ANK1: variants seen among roughly 807,000 people sequenced by gnomAD.
The protein encoded by ANK1 is ankyrin-1.
In ANK1, 51 loss-of-function variants were observed where a neutral mutation model predicts 210.4. The observed-to-expected ratio is 0.24, with a 90% CI of 0.19 to 0.31. ANK1 has a LOEUF of 0.31. ANK1 is among the 10% of genes least tolerant of loss of function. The pLI is 1.00. For synonymous variants in ANK1, 967 were observed against 1,025.9 expected (o/e 0.94, Z 1.10); for missense variants, 2,051 against 2,504.4 (o/e 0.82, Z 3.86).
chr8:41,820,373 G>A (rs1034071560), intron 1 of ANK1, among the ~76,000 whole-genome samples: 3 of 125,044 alleles, frequency 2.4e-5, no homozygotes, highest in African/African-American at 9.4e-5. Flanking sequence ...GTGTGTGTGT[G>A]TGTGTGTAGA....
intron 1 of ANK1, among the ~76,000 whole-genome samples, chr8:41,878,126 C>T (rs1475363425): frequency 6.6e-6 from 1 of 152,246 alleles, no homozygotes; most frequent in Non-Finnish European, 1.5e-5. Flanking sequence ...CATTATGCGA[C>T]TTACCAAACA....
intron 3 of ANK1, among the ~76,000 whole-genome samples, chr8:41,729,057 G>A (rs1254606001): frequency 1.3e-5 from 2 of 152,202 alleles, no homozygotes; most frequent in African/African-American, 2.4e-5. Context: ...ACAAAGAGAT[G>A]GGAGGCAGGA....
intron 37 of ANK1, among the ~76,000 whole-genome samples, chr8:41,682,555 G>A (rs956860962): frequency 2.6e-5 from 4 of 152,238 alleles, no homozygotes; most frequent in Non-Finnish European, 4.4e-5. Context: ...CAAATGGGCT[G>A]ACCCCCTGAA....
chr8:41,695,625 C>T (rs919426367), intron 26 of ANK1, among the ~76,000 whole-genome samples: 1 of 152,258 alleles, frequency 6.6e-6, no homozygotes, highest in Admixed American at 6.5e-5. Flanking sequence ...GCACCTGATT[C>T]CAAAAATCCA....
At chr8:41,714,292 C>T in intron 15 of ANK1, 38 bp from the exon 16 acceptor site, 1 of 1,501,730 alleles carries the variant, frequency 6.7e-7, no homozygotes, top group Non-Finnish European at 9.0e-7. Flanking sequence ...GGCTGTCACT[C>T]CCACGGACTT....
chr8:41,792,282 G>A (rs1847900031), intron 1 of ANK1, among the ~76,000 whole-genome samples: 2 of 152,210 alleles, frequency 1.3e-5, no homozygotes, highest in African/African-American at 4.8e-5. Context: ...CACTTGCCCT[G>A]AGAGGGCTGC....
intron 26 of ANK1, 43 bp downstream of exon 26, chr8:41,696,320 G>A (rs777171175): frequency 3.1e-6 from 5 of 1,602,224 alleles, no homozygotes; most frequent in Admixed American, 1.7e-5. Context: ...GGCCTCCGTG[G>A]CACAGGGACA....
intron 22 of ANK1, among the ~76,000 whole-genome samples, chr8:41,701,021 G>A (rs1334126755): frequency 5.3e-5 from 8 of 152,050 alleles, no homozygotes; most frequent in South Asian, 2.1e-4. Context: ...CTCCAACCTC[G>A]GCTGCCCAAA....
intron 1 of ANK1, among the ~76,000 whole-genome samples, chr8:41,796,434 C>T (rs1328184334): frequency 6.6e-6 from 1 of 151,728 alleles, no homozygotes; most frequent in East Asian, 1.9e-4. Flanking sequence ...GAACCTCTGC[C>T]CTAGAGTGGT....
At chr8:41,705,014 A>C (rs1824170114) in intron 18 of ANK1, among the ~76,000 whole-genome samples, 1 of 152,202 alleles carries the variant, frequency 6.6e-6, no homozygotes, top group Non-Finnish European at 1.5e-5. Context: ...AACCCCCAAA[A>C]GGCTGTCCAA....
rs748263198 is a variant in ANK1, at chr8:41,661,503, A to C, written c.5606T>G (p.Ile1869Arg). Reference sequence around the variant, plus strand: ...CCTTTTCAGGCTGGCCCGCTTCACTATCTGCGCCCCCTTCCTGCCCTCTAT... The same window carrying C: ...CCTTTTCAGGCTGGCCCGCTTCACTCTCTGCGCCCCCTTCCTGCCCTCTAT... ...DLIEGRKGAQ[I>R]VKRASLKRGK... Residue 1869 changes from isoleucine to arginine, a missense_variant, in exon 42 of 43, where the codon ATA becomes AGA. Ile to Arg is a moderately conservative substitution (Grantham distance 97, BLOSUM62 -3). This residue lies in a region of ANK1 where 496 missense variants were observed against 533.4 expected (regional missense o/e 0.93). Transcript: ENST00000289734. 2.9e-5 allele frequency: 46 copies of C among 1,613,862 alleles called. No homozygotes were observed. In the South Asian group the frequency reaches 4.5e-4, roughly 16 times the overall value.
chr8:41,835,886 C>T (rs769283700), intron 1 of ANK1, among the ~76,000 whole-genome samples: 1 of 152,232 alleles, frequency 6.6e-6, no homozygotes. Context: ...TGCAGTGTCG[C>T]CCCGCCTGGG....
intron 15 of ANK1, 27 bp downstream of exon 15, chr8:41,714,949 G>T (rs1270352137): frequency 6.2e-7 from 1 of 1,608,812 alleles, no homozygotes; most frequent in Admixed American, 1.7e-5. Flanking sequence ...CCTGAGAGCT[G>T]CAGGGGAGGG....
intron 1 of ANK1, among the ~76,000 whole-genome samples, chr8:41,843,552 G>A (rs1004128514): frequency 6.6e-6 from 1 of 152,142 alleles, no homozygotes; most frequent in Non-Finnish European, 1.5e-5. Context: ...GGGCAGCTGG[G>A]GCGATCAGAA....
At chr8:41,892,611 T>C (rs1819671464) in intron 1 of ANK1, among the ~76,000 whole-genome samples, 1 of 152,120 alleles carries the variant, frequency 6.6e-6, no homozygotes, top group Non-Finnish European at 1.5e-5. Context: ...ACCAAAAGAT[T>C]AGATGGTTCC....
At chr8:41,853,971 A>G (rs1480327828) in intron 1 of ANK1, among the ~76,000 whole-genome samples, 3 of 152,178 alleles carry the variant, frequency 2.0e-5, no homozygotes, top group Non-Finnish European at 2.9e-5. Flanking sequence ...ACTCCGCTCA[A>G]TTTGGGCTTA....
At chr8:41,665,178 GTT>G (rs1240023028) in intron 39 of ANK1, 2 of 1,533,686 alleles carry the variant, frequency 1.3e-6, no homozygotes, top group Middle Eastern at 1.7e-4. Flanking sequence ...GTCTCTCACT[GTT>G]TCTCTCTCTG....
At chr8:41,706,370 G>T (rs748052623) in intron 17 of ANK1, 129 bp from the exon 18 acceptor site, 4 of 844,092 alleles carry the variant, frequency 4.7e-6, no homozygotes, top group Non-Finnish European at 7.7e-6. Flanking sequence ...TCCAGGCAAA[G>T]CTCTTCCTGT....
At chr8:41,748,775 C>T (rs192493281) in intron 2 of ANK1, among the ~76,000 whole-genome samples, 12 of 152,238 alleles carry the variant, frequency 7.9e-5, no homozygotes, top group African/African-American at 2.9e-4. Flanking sequence ...GTGGCTTACG[C>T]CTGTAATCCC....
Sources: gnomAD v4.1 joint callset for allele counts (sites outside exome capture counted in the v4.1 genomes callset) on GRCh38, gnomAD v4.1.1 for gene constraint, gnomAD v4.1.1 regional missense constraint, MANE v1.5 for transcripts, NCBI Gene and HGNC (gene_info 2026-07-23, HGNC 2026-07-21) for gene names.